Variants in SMC4 observed in about 807,000 individuals in gnomAD.
SMC4 encodes the protein structural maintenance of chromosomes 4.
A neutral mutation model predicts 145.6 loss-of-function variants in SMC4; 87 were observed. That is an observed-to-expected ratio of 0.60 (90% CI 0.50 to 0.71). The LOEUF (loss-of-function observed/expected upper bound fraction) is 0.71. Ranked by LOEUF, SMC4 falls within the 30% of genes least tolerant of loss-of-function variation. The pLI, the probability that SMC4 is intolerant of heterozygous loss-of-function variation, is 0.00. For missense variants in SMC4, 1,447 were observed against 1,537.1 expected, an observed-to-expected ratio of 0.94 and a Z score of 0.98; for synonymous variants, 558 against 500.7, an observed-to-expected ratio of 1.11 and a Z score of -1.53.
In SMC4 at chr3:160,426,068, T is replaced by C; in HGVS notation, c.2479-6T>C. 6.3e-7 allele frequency: 1 copy of C among 1,576,814 alleles called. No individual in the cohort carries two copies. The highest frequency in any genetic ancestry group is 1.2e-5 in the South Asian group (1 of 84,560). Reference sequence around the variant, plus strand: ...ATTGACCTTAAATGTTAAAACTTTTTTGTAGCGTTTAATAGAGCAAGAAGA... The same window carrying C: ...ATTGACCTTAAATGTTAAAACTTTTCTGTAGCGTTTAATAGAGCAAGAAGA... On this transcript the variant is annotated splice_region_variant and splice_polypyrimidine_tract_variant and intron_variant, in intron 16 of 23. Transcript: ENST00000357388.
In SMC4 at chr3:160,433,913, C is replaced by T; in HGVS notation, c.*104C>T. 2.6e-6 allele frequency: 2 copies of T among 783,994 alleles called. No homozygotes were observed. Among genetic ancestry groups the T allele is most frequent in the Non-Finnish European group, 4.0e-6 (2 of 496,616 alleles). 48.6% of individuals were successfully genotyped at this position (783,994 alleles called of 1,614,324 possible). ...AAAATACATACTCCCTAAACTAGATCATGAAACTGGTTTCTGTTTTATGCA... is the reference window on the plus strand; with the variant it reads ...AAAATACATACTCCCTAAACTAGATTATGAAACTGGTTTCTGTTTTATGCA... On this transcript the variant is annotated 3_prime_UTR_variant, in exon 24 of 24. Coordinates refer to ENST00000357388, the MANE Select transcript of SMC4 (RefSeq NM_001002800.3).
At chr3:160,407,398 C>A (rs958972853) in intron 5 of SMC4, among the ~76,000 whole-genome samples, 2 of 151,990 alleles carry the variant, frequency 1.3e-5, no homozygotes, top group African/African-American at 4.8e-5. Flanking sequence ...ATAGAAAATA[C>A]AAAAATTAGC....
In SMC4 at chr3:160,400,902, G is replaced by C; in HGVS notation, c.76G>C (p.Ala26Pro). 1 of 1,500,104 alleles carries C rather than the reference G, an allele frequency of 6.7e-7. No individual in the cohort carries two copies. Among genetic ancestry groups the C allele is most frequent in the Admixed American group, 2.1e-5 (1 of 46,932 alleles). 92.9% of individuals were successfully genotyped at this position (1,500,104 alleles called of 1,614,324 possible). The change falls in exon 2 of 24, where the codon GCC (alanine) becomes CCC (proline). Residue 26 changes from alanine to proline, a missense_variant. Physicochemically the swap from Ala to Pro is conservative, Grantham distance 27. Coordinates refer to ENST00000357388, the MANE Select transcript of SMC4 (RefSeq NM_001002800.3). Reference sequence around the variant, plus strand: ...GCCGCCGCCGCCGTCCCCTGACGGCGCCAGCAGCGACGCGGAGCCTGAGCC... The same window carrying C: ...GCCGCCGCCGCCGTCCCCTGACGGCCCCAGCAGCGACGCGGAGCCTGAGCC... ...EGPPPPSPDG[A>P]SSDAEPEPPS...
chr3:160,413,078 G>A lies in SMC4; in HGVS notation c.981-395G>A, dbSNP rs535883968. Among the ~76,000 whole-genome samples the A allele has an allele frequency of 1.2e-4, 18 of 152,088 alleles. No individual in the cohort carries two copies. The South Asian group carries it at 3.5e-3, about 30-fold the overall frequency. On this transcript the variant is annotated intron_variant, in intron 7 of 23. Transcript: ENST00000357388. ...CTTCATGAGTAGCTGGGACTACAGG[G>A]CACACACCAACACACCTGGCTAATT...
chr3:160,427,930 TACACACGCACGCACACACACAAAC>T (rs1717970422), intron 17 of SMC4, among the ~76,000 whole-genome samples: 2 of 151,850 alleles, frequency 1.3e-5, no homozygotes. Context: ...CTTTGAAAAA[TACACACGCACGCACACACACAAAC>T]ACACACACAC....
Position 160,404,324 on chromosome 3 carries a change from A to G in SMC4, c.511-4A>G. On this transcript the variant is annotated splice_region_variant and splice_polypyrimidine_tract_variant and intron_variant, in intron 4 of 23. Transcript: ENST00000357388. ...TTTTCTGGTTTTGTTTTTCCTCAAAACAGGAAGGGGATGATTATGAAGTCA... is the reference window on the plus strand; with the variant it reads ...TTTTCTGGTTTTGTTTTTCCTCAAAGCAGGAAGGGGATGATTATGAAGTCA... 2 of 1,594,468 alleles carry G rather than the reference A, an allele frequency of 1.3e-6. No individual in the cohort carries two copies. The highest frequency in any genetic ancestry group is 1.2e-5 in the South Asian group (1 of 86,592).
intron 19 of SMC4, 142 bp from the exon 20 acceptor site, chr3:160,430,890 C>T: frequency 5.7e-6 from 7 of 1,230,808 alleles, no homozygotes; most frequent in Non-Finnish European, 7.8e-6. Flanking sequence ...AATAAGAATA[C>T]TATAATTTGT....
In SMC4 at chr3:160,434,493, C is replaced by T. The variant is rs1048493084; in HGVS notation, c.*684C>T. On this transcript the variant is annotated 3_prime_UTR_variant, in exon 24 of 24. Coordinates refer to ENST00000357388, the MANE Select transcript of SMC4 (RefSeq NM_001002800.3). Reference sequence around the variant, plus strand: ...ACTGGTTCAATTTACAAATTTTCAACTTTATGATAGGTTTATCCGGGTACT... The same window carrying T: ...ACTGGTTCAATTTACAAATTTTCAATTTTATGATAGGTTTATCCGGGTACT... The T allele has an allele frequency of 5.3e-5, 8 of 152,114 alleles. No individual in the cohort carries two copies. The highest frequency in any genetic ancestry group is 9.7e-5 in the African/African-American group (4 of 41,418). 9.4% of individuals were successfully genotyped at this position (152,114 alleles called of 1,614,324 possible). A position where few individuals can be genotyped will look rare whatever the true frequency, so the allele number is the denominator to read the frequency against.
chr3:160,409,991 G>T (rs1039201678), intron 5 of SMC4, among the ~76,000 whole-genome samples: 1 of 152,106 alleles, frequency 6.6e-6, no homozygotes, highest in Non-Finnish European at 1.5e-5. Flanking sequence ...TGGGCGGATC[G>T]CTTGAGTCTG....
intron 12 of SMC4, 178 bp from the exon 13 acceptor site, chr3:160,420,562 C>G (rs1290041283): frequency 4.0e-6 from 2 of 494,304 alleles, no homozygotes; most frequent in South Asian, 3.5e-5. Context: ...ATTAGAAATT[C>G]AAGCTGCATA....
chr3:160,430,528 C>A, intron 18 of SMC4, 71 bp from the exon 19 acceptor site: 1 of 1,288,106 alleles, frequency 7.8e-7, no homozygotes, highest in Non-Finnish European at 1.0e-6. Flanking sequence ...ATGAAAAGTT[C>A]TTTAGTAGGT....
In SMC4 at chr3:160,417,961, A is replaced by C; in HGVS notation, c.1671+5A>C. On this transcript the variant is annotated splice_donor_5th_base_variant and intron_variant, in intron 11 of 23. Transcript: ENST00000357388. ...ACTGAACAAGAATTAAAGGAGGTAA[A>C]TCTTTGCTTCTCTGTTGCATCAGAA... 1 of 1,600,456 alleles carries C rather than the reference A, an allele frequency of 6.2e-7. No homozygotes were observed. Among genetic ancestry groups the C allele is most frequent in the Non-Finnish European group, 8.5e-7 (1 of 1,170,648 alleles).
At chr3:160,412,637 GGATC>G in intron 7 of SMC4, 184 bp downstream of exon 7, 10 of 1,164,130 alleles carry the variant, frequency 8.6e-6, no homozygotes, top group South Asian at 2.1e-5. Context: ...TAAGGCAGGA[GGATC>G]ACTTGAGGCT....
chr3:160,423,921 G>C (rs1422361848), intron 15 of SMC4, 81 bp downstream of exon 15: 1 of 1,171,086 alleles, frequency 8.5e-7, no homozygotes, highest in Non-Finnish European at 1.2e-6. Flanking sequence ...TACAAAATTT[G>C]GCCATTTTAA....
At chr3:160,424,811 G>C (rs935848676) in intron 15 of SMC4, 56 bp from the exon 16 acceptor site, 1 of 1,593,944 alleles carries the variant, frequency 6.3e-7, no homozygotes. Context: ...AGTTTTCTTC[G>C]TAAGTTGACT....
chr3:160,412,542 ACTG>A, intron 7 of SMC4, 89 bp downstream of exon 7: 1 of 1,431,968 alleles, frequency 7.0e-7, no homozygotes, highest in African/African-American at 1.4e-5. Flanking sequence ...AAACATGAAG[ACTG>A]AAGTGAAAAA....
intron 12 of SMC4, 27 bp from the exon 13 acceptor site, chr3:160,420,713 T>TAAG: frequency 6.2e-7 from 1 of 1,602,816 alleles, no homozygotes; most frequent in Non-Finnish European, 8.5e-7. Flanking sequence ...TGCCTAACTC[T>TAAG]TTTTTCACCC....
intron 16 of SMC4, 135 bp downstream of exon 16, chr3:160,425,154 TAA>T: frequency 7.7e-7 from 1 of 1,304,436 alleles, no homozygotes; most frequent in Non-Finnish European, 1.0e-6. Flanking sequence ...TAGGCAGATA[TAA>T]CTCTTGATGA....
intron 5 of SMC4, among the ~76,000 whole-genome samples, chr3:160,407,389 T>C (rs1715450153): frequency 6.6e-6 from 1 of 151,988 alleles, no homozygotes; most frequent in Non-Finnish European, 1.5e-5. Context: ...TATGTCTCTA[T>C]AGAAAATACA....
Sources: allele counts gnomAD v4.1 joint callset (sites outside exome capture counted in the v4.1 genomes callset), GRCh38; gene constraint gnomAD v4.1.1; transcripts MANE v1.5; gene names NCBI Gene and HGNC (gene_info 2026-07-23, HGNC 2026-07-21).